The following RTN1 variants were observed in gnomAD, a reference collection of about 807,000 sequenced individuals.
RTN1 encodes the protein reticulon 1.
Under a neutral mutation model 65.5 loss-of-function variants are expected in RTN1, and 25 were observed. The observed-to-expected ratio is 0.38, with a 90% CI of 0.28 to 0.53. The LOEUF (loss-of-function observed/expected upper bound fraction) is 0.53. RTN1 is among the 20% of genes least tolerant of loss of function. The probability of loss-of-function intolerance (pLI) is 0.79; values close to 1 mark genes in which losing one functional copy is unlikely to be tolerated. For synonymous variants in RTN1, 471 were observed against 447.6 expected, an observed-to-expected ratio of 1.05 and a Z score of -0.66; for missense variants, 983 against 1,025.4, an observed-to-expected ratio of 0.96 and a Z score of 0.57.
intron 1 of RTN1, among the ~76,000 whole-genome samples, chr14:59,756,568 A>G (rs1038294622): frequency 6.6e-6 from 1 of 152,154 alleles, no homozygotes; most frequent in Non-Finnish European, 1.5e-5. Context: ...TTCCTTTACT[A>G]TGTAAATAAT....
chr14:59,666,807 A>G (rs1004411232), intron 3 of RTN1, among the ~76,000 whole-genome samples: 1 of 151,976 alleles, frequency 6.6e-6, no homozygotes, highest in Non-Finnish European at 1.5e-5. Flanking sequence ...AGAGAATACT[A>G]AACACCTCTA....
intron 3 of RTN1, among the ~76,000 whole-genome samples, chr14:59,703,523 T>C (rs532356567): frequency 1.3e-5 from 2 of 152,350 alleles, no homozygotes; most frequent in South Asian, 4.1e-4. Flanking sequence ...GCCAGCACTA[T>C]GCTTCCTGCA....
At chr14:59,786,647 G>A (rs1249566192) in intron 1 of RTN1, among the ~76,000 whole-genome samples, 1 of 152,030 alleles carries the variant, frequency 6.6e-6, no homozygotes, top group Non-Finnish European at 1.5e-5. Flanking sequence ...GGGAGGATGG[G>A]GAAGAAGGAA....
intron 1 of RTN1, among the ~76,000 whole-genome samples, chr14:59,767,817 T>A (rs776260982): frequency 6.6e-6 from 1 of 152,216 alleles, no homozygotes; most frequent in African/African-American, 2.4e-5. Flanking sequence ...ACCCTTGCTA[T>A]GGGCCAGAGT....
chr14:59,607,562 C>G, intron 3 of RTN1, 70 bp from the exon 4 acceptor site: 2 of 1,332,316 alleles, frequency 1.5e-6, no homozygotes, highest in Non-Finnish European at 1.1e-6. Context: ...GTGGCTCACT[C>G]CACCAAGCTG....
intron 3 of RTN1, chr14:59,630,656 G>C (rs901194154): frequency 1.3e-5 from 16 of 1,246,212 alleles, no homozygotes; most frequent in Non-Finnish European, 1.5e-5. Flanking sequence ...GGTGAGGGGC[G>C]GGAGCGTCGC....
chr14:59,844,969 CT>C, intron 1 of RTN1, among the ~76,000 whole-genome samples: 1 of 152,156 alleles, frequency 6.6e-6, no homozygotes, highest in South Asian at 2.1e-4. Flanking sequence ...AAGAATGCAA[CT>C]GTGCAATCAA....
intron 2 of RTN1, among the ~76,000 whole-genome samples, chr14:59,729,391 T>A (rs1440545532): frequency 6.6e-6 from 1 of 152,178 alleles, no homozygotes; most frequent in East Asian, 1.9e-4. Flanking sequence ...CCCCCCCTTT[T>A]TTAGTAACTT....
intron 1 of RTN1, among the ~76,000 whole-genome samples, chr14:59,820,090 T>C (rs561342478): frequency 1.3e-5 from 2 of 152,218 alleles, no homozygotes; most frequent in African/African-American, 2.4e-5. Context: ...TAGCAAGTTG[T>C]CACCTCTCAA....
chr14:59,611,401 T>C (rs923175758), intron 3 of RTN1, among the ~76,000 whole-genome samples: 3 of 152,192 alleles, frequency 2.0e-5, no homozygotes, highest in Non-Finnish European at 2.9e-5. Flanking sequence ...GAAATAGTCC[T>C]GGGGAGATGT....
In RTN1 at chr14:59,831,097, A is replaced by G. The variant is rs970887015; in HGVS notation, c.241+39293T>C. On this transcript the variant is annotated intron_variant, in intron 1 of 8. Coordinates refer to ENST00000267484, the MANE Select transcript of RTN1 (RefSeq NM_021136.3). ...AGCTTCTGGACATTAGAAAAATCCAATTCTCTTCATCTACACTTGAAAGAA... is the reference window on the plus strand; with the variant it reads ...AGCTTCTGGACATTAGAAAAATCCAGTTCTCTTCATCTACACTTGAAAGAA... 1.2e-4 allele frequency among the ~76,000 whole-genome samples: 18 copies of G among 152,324 alleles called. 1 individual carries two copies. Among genetic ancestry groups the G allele is most frequent in the Admixed American group, 8.5e-4 (13 of 15,302 alleles).
At chr14:59,676,015 A>G (rs1287596946) in intron 3 of RTN1, among the ~76,000 whole-genome samples, 2 of 152,040 alleles carry the variant, frequency 1.3e-5, no homozygotes, top group African/African-American at 2.4e-5. Flanking sequence ...GTATACTTTC[A>G]TTATTCTCTT....
At chr14:59,731,822 T>A (rs2139485380) in intron 2 of RTN1, among the ~76,000 whole-genome samples, 1 of 152,298 alleles carries the variant, frequency 6.6e-6, no homozygotes, top group African/African-American at 2.4e-5. Flanking sequence ...TCTTCTCAGA[T>A]ATGAAATGTT....
chr14:59,783,694 G>A (rs959466736), intron 1 of RTN1, among the ~76,000 whole-genome samples: 10 of 152,210 alleles, frequency 6.6e-5, no homozygotes, highest in Admixed American at 4.6e-4. Flanking sequence ...GAATAAGGGA[G>A]AAGGGAGTGG....
At chr14:59,643,226 T>C (rs1882815523) in intron 3 of RTN1, among the ~76,000 whole-genome samples, 1 of 152,086 alleles carries the variant, frequency 6.6e-6, no homozygotes, top group Non-Finnish European at 1.5e-5. Flanking sequence ...CTGGGTAACT[T>C]AGGGAGACCC....
At chr14:59,775,182 T>C (rs1318204729) in intron 1 of RTN1, among the ~76,000 whole-genome samples, 1 of 152,110 alleles carries the variant, frequency 6.6e-6, no homozygotes, top group Non-Finnish European at 1.5e-5. Context: ...ATCTTCTGTC[T>C]ACTGGCTGAA....
intron 1 of RTN1, among the ~76,000 whole-genome samples, chr14:59,789,079 T>G (rs1490394368): frequency 6.6e-6 from 1 of 152,084 alleles, no homozygotes; most frequent in Non-Finnish European, 1.5e-5. Context: ...TGATTATCAT[T>G]AAAAGTATGT....
intron 1 of RTN1, among the ~76,000 whole-genome samples, chr14:59,801,089 T>C (rs926007152): frequency 6.6e-6 from 1 of 152,038 alleles, no homozygotes; most frequent in African/African-American, 2.4e-5. Flanking sequence ...AAACACAGCA[T>C]CCAAGCTCTC....
At chr14:59,653,847 A>G (rs149618445) in intron 3 of RTN1, among the ~76,000 whole-genome samples, 1 of 152,224 alleles carries the variant, frequency 6.6e-6, no homozygotes, top group Non-Finnish European at 1.5e-5. Flanking sequence ...AATGGATAGA[A>G]CTAAACAGAA....
Sources: gnomAD v4.1 joint callset for allele counts (sites outside exome capture counted in the v4.1 genomes callset) on GRCh38, gnomAD v4.1.1 for gene constraint, MANE v1.5 for transcripts, NCBI Gene and HGNC (gene_info 2026-07-23, HGNC 2026-07-21) for gene names.